The following CCNYL1 variants were observed in gnomAD, a reference collection of about 807,000 sequenced individuals.
CCNYL1 encodes the protein cyclin-Y-like protein 1.
A neutral mutation model predicts 44.2 loss-of-function variants in CCNYL1; 16 were observed. The ratio of observed to expected loss-of-function variants is 0.36; its 90% confidence interval spans 0.25 to 0.55. The LOEUF is 0.55. Among genes scored for constraint, CCNYL1 ranks in the 20% least tolerant of loss-of-function variants. CCNYL1 has a pLI of 0.85. For synonymous variants in CCNYL1, 159 were observed against 163.2 expected (o/e 0.97, Z 0.20); for missense variants, 348 against 451.8 (o/e 0.77, Z 2.08).
At chr2:207,729,250 G>GCCCCCCCCCCCCCCCCCCCCCCCC (rs1247562126) in intron 3 of CCNYL1, among the ~76,000 whole-genome samples, 4 of 68,188 alleles carry the variant, frequency 5.9e-5, no homozygotes, top group Admixed American at 1.4e-4. Flanking sequence ...ACTTGTCTCC[G>GCCCCCCCCCCCCCCCCCCCCCCCC]CCCCCCCCCG....
At position 207,711,978 on chromosome 2, in the gene CCNYL1, T is replaced by G; in HGVS notation, c.82T>G (p.Cys28Gly). Reference sequence around the variant, plus strand: ...GCGCGCGGGGTCGGCGGAGCTGTACTGCGCGTCCGACATCTACGAGGCGGT... The same window carrying G: ...GCGCGCGGGGTCGGCGGAGCTGTACGGCGCGTCCGACATCTACGAGGCGGT... ...GRRAGSAELY[C>G]ASDIYEAVSG... Residue 28 changes from cysteine to glycine, a missense_variant, in exon 1 of 10, where the codon TGC (cysteine) becomes GGC (glycine). By Grantham distance (159) the Cys-to-Gly change is radical. Transcript: ENST00000295414. 1 of 1,451,380 alleles carries G rather than the reference T, an allele frequency of 6.9e-7. No homozygotes were observed. Among genetic ancestry groups the G allele is most frequent in the Non-Finnish European group, 9.1e-7 (1 of 1,099,368 alleles). The allele number at this position is 1,451,380 out of a possible 1,614,324, so 89.9% of individuals were successfully genotyped here.
intron 1 of CCNYL1, among the ~76,000 whole-genome samples, chr2:207,715,658 G>A (rs1298996534): frequency 2.0e-5 from 3 of 150,714 alleles, no homozygotes; most frequent in African/African-American, 7.3e-5. Flanking sequence ...GGGATCATAG[G>A]TGTGAGCCAC....
At chr2:207,742,753 G>T (rs775291005) in intron 7 of CCNYL1, among the ~76,000 whole-genome samples, 1 of 152,176 alleles carries the variant, frequency 6.6e-6, no homozygotes, top group African/African-American at 2.4e-5. Context: ...AGGTATTTCC[G>T]ATATGTGTGG....
At position 207,719,775 on chromosome 2, in the gene CCNYL1, C is replaced by T. The variant is rs111444187; in HGVS notation, c.221-5025C>T. ...AGATGGTCTTTCTCTGTTGCCGAGG[C>T]TGGAGTGCAGTGGTGTGATCATAGC... is the stretch of plus-strand genomic sequence containing the variant. On this transcript the variant is annotated intron_variant, in intron 1 of 9. Transcript: ENST00000295414. Among the ~76,000 whole-genome samples the T allele has an allele frequency of 6.1e-3, 922 of 152,142 alleles. 5 individuals are homozygous for T. The highest frequency in any genetic ancestry group is 0.015 in the African/African-American group (606 of 41,502).
intron 5 of CCNYL1, among the ~76,000 whole-genome samples, chr2:207,740,025 C>T (rs192900418): frequency 1.9e-3 from 291 of 152,104 alleles, no homozygotes; most frequent in Non-Finnish European, 3.3e-3. Context: ...CAGTTTTGAC[C>T]TCAAGGACCT....
intron 1 of CCNYL1, among the ~76,000 whole-genome samples, chr2:207,720,343 A>G (rs2091631245): frequency 6.6e-6 from 1 of 152,036 alleles, no homozygotes; most frequent in Admixed American, 6.6e-5. Context: ...TAGAGTTAAA[A>G]TAATAACATT....
chr2:207,718,781 A>G (rs898295585), intron 1 of CCNYL1, among the ~76,000 whole-genome samples: 55 of 152,256 alleles, frequency 3.6e-4, no homozygotes, highest in African/African-American at 1.3e-3. Context: ...AATCTCAAAC[A>G]TTGCAAATGC....
At position 207,753,514 on chromosome 2, in the gene CCNYL1, C is replaced by T. The variant is rs1347043587; in HGVS notation, c.970-74C>T. The T allele has an allele frequency of 4.0e-6, 4 of 994,586 alleles. No individual in the cohort carries two copies. The African/African-American group carries it at 6.4e-5, about 16-fold the overall frequency. 61.6% of individuals were successfully genotyped at this position (994,586 alleles called of 1,614,324 possible). Reference sequence around the variant, plus strand: ...TAAAGGAGTCCACATGTGTGGCTTTCACAATGGTGCTCTTTCAAAGGCGGG... The same window carrying T: ...TAAAGGAGTCCACATGTGTGGCTTTTACAATGGTGCTCTTTCAAAGGCGGG... On this transcript the variant is annotated intron_variant, in intron 9 of 9. Coordinates refer to ENST00000295414, the MANE Select transcript of CCNYL1 (RefSeq NM_001330218.2).
chr2:207,733,974 T>C lies in CCNYL1; in HGVS notation c.358T>C (p.Tyr120His). 2 of 1,613,352 alleles carry C rather than the reference T, an allele frequency of 1.2e-6. No individual in the cohort carries two copies. The highest frequency in any genetic ancestry group is 1.7e-6 in the Non-Finnish European group (2 of 1,179,312). ...ATCTCCAGGGCAGCTTACTAAAAAG[T>C]ATAGCTCATGCTCAACAATATTTCT... ...HVSPGQLTKK[Y>H]SSCSTIFLDD... The change falls in exon 4 of 10, where the codon TAT becomes CAT. Residue 120 changes from tyrosine (Y) to histidine (H), a missense_variant. Transcript: ENST00000295414.
At chr2:207,722,254 T>A (rs2091645877) in intron 1 of CCNYL1, among the ~76,000 whole-genome samples, 1 of 151,900 alleles carries the variant, frequency 6.6e-6, no homozygotes. Flanking sequence ...TTTGTATTTT[T>A]AGTAGAGATG....
intron 4 of CCNYL1, among the ~76,000 whole-genome samples, 154 bp from the exon 5 acceptor site, chr2:207,737,257 A>G (rs568169379): frequency 6.6e-6 from 1 of 152,308 alleles, no homozygotes; most frequent in East Asian, 1.9e-4. Flanking sequence ...GAAAGGAACT[A>G]AAACAAGGGG....
At chr2:207,712,137 A>G (rs749687477) in intron 1 of CCNYL1, 21 bp downstream of exon 1, 3 of 1,587,306 alleles carry the variant, frequency 1.9e-6, no homozygotes, top group Non-Finnish European at 2.6e-6. Flanking sequence ...GGCGGATGCC[A>G]TCCGCCCTCG....
At chr2:207,716,049 G>A (rs533732431) in intron 1 of CCNYL1, among the ~76,000 whole-genome samples, 1 of 152,136 alleles carries the variant, frequency 6.6e-6, no homozygotes, top group African/African-American at 2.4e-5. Context: ...CTACTACCTT[G>A]CCTTTATTTA....
In CCNYL1 at chr2:207,712,032, G is replaced by A; in HGVS notation, c.136G>A (p.Ala46Thr). The A allele has an allele frequency of 2.0e-6, 3 of 1,516,922 alleles. No individual in the cohort carries two copies. Among genetic ancestry groups the A allele is most frequent in the Admixed American group, 4.2e-5 (2 of 48,192 alleles). 94.0% of individuals were successfully genotyped at this position (1,516,922 alleles called of 1,614,324 possible). Residue 46 changes from alanine to threonine, a missense_variant, in exon 1 of 10, where the codon GCT becomes ACT. Physicochemically the swap from Ala to Thr is moderately conservative, Grantham distance 58 (BLOSUM62 0). This residue lies in a region of CCNYL1 where 209 missense variants were observed against 247.7 expected (regional missense o/e 0.84). Transcript: ENST00000295414. ...CGGGGACGCGGTGGCGGTAGCGCCC[G>A]CTGTGGTGGAGCCTGCCGAGTTGGA... is the stretch of plus-strand genomic sequence containing the variant. The part of the protein sequence containing the change: ...VSGDAVAVAP[A>T]VVEPAELDFG...
chr2:207,740,579 C>T, intron 5 of CCNYL1, 76 bp from the exon 6 acceptor site: 3 of 990,206 alleles, frequency 3.0e-6, no homozygotes, highest in Non-Finnish European at 3.2e-6. Flanking sequence ...CATCTCCCGC[C>T]ACCCCCAGCA....
chr2:207,722,249 A>AT (rs1431545248), intron 1 of CCNYL1, among the ~76,000 whole-genome samples: 1 of 151,114 alleles, frequency 6.6e-6, no homozygotes, highest in Non-Finnish European at 1.5e-5. Context: ...ATTTTTTTGT[A>AT]TTTTTAGTAG....
At chr2:207,727,346 A>G (rs898151113) in intron 3 of CCNYL1, among the ~76,000 whole-genome samples, 5 of 152,066 alleles carry the variant, frequency 3.3e-5, no homozygotes, top group Non-Finnish European at 5.9e-5. Context: ...TGTTATGATT[A>G]TACAGATATT....
Position 207,754,029 on chromosome 2 carries a change from T to C in CCNYL1, c.*331T>C, listed in dbSNP as rs917718064. 1 of 190,930 alleles carries C rather than the reference T, an allele frequency of 5.2e-6. No homozygotes were observed. Among genetic ancestry groups the C allele is most frequent in the African/African-American group, 2.3e-5 (1 of 43,040 alleles). 11.8% of individuals were successfully genotyped at this position (190,930 alleles called of 1,614,324 possible). A position where few individuals can be genotyped will look rare whatever the true frequency, so the allele number is the denominator to read the frequency against. On this transcript the variant is annotated 3_prime_UTR_variant, in exon 10 of 10. Coordinates refer to ENST00000295414, the MANE Select transcript of CCNYL1 (RefSeq NM_001330218.2). ...AAGGTTTTTTAAACAATAGTTTAAATTTTTAGACTTTAAAGACACTAACCA... is the reference window on the plus strand; with the variant it reads ...AAGGTTTTTTAAACAATAGTTTAAACTTTTAGACTTTAAAGACACTAACCA...
chr2:207,748,960 TGAAG>T (rs1470847729), intron 8 of CCNYL1, among the ~76,000 whole-genome samples: 1 of 152,222 alleles, frequency 6.6e-6, no homozygotes, highest in Non-Finnish European at 1.5e-5. Flanking sequence ...ACTGGTTTCT[TGAAG>T]GAAGCAAAAT....
Sources: gnomAD v4.1 joint callset for allele counts (sites outside exome capture counted in the v4.1 genomes callset) on GRCh38, gnomAD v4.1.1 for gene constraint, gnomAD v4.1.1 regional missense constraint, MANE v1.5 for transcripts, NCBI Gene and HGNC (gene_info 2026-07-23, HGNC 2026-07-21) for gene names.